The following PEX7 variants were observed in gnomAD, a reference collection of about 807,000 sequenced individuals.
PEX7 encodes peroxisomal biogenesis factor 7, also known as PTS2 receptor.
A neutral mutation model predicts 47.5 loss-of-function variants in PEX7; 34 were observed. The ratio of observed to expected loss-of-function variants is 0.72; its 90% CI spans 0.54 to 0.95. The LOEUF (loss-of-function observed/expected upper bound fraction) is 0.95. Among genes scored for constraint, PEX7 ranks in the 40% least tolerant of loss-of-function variants. The probability of loss-of-function intolerance (pLI) is 0.00; values close to 1 mark genes in which losing one functional copy is unlikely to be tolerated. For missense variants in PEX7, 394 were observed against 400.3 expected (o/e 0.98, Z 0.13); for synonymous variants, 141 against 148.8 (o/e 0.95, Z 0.38).
intron 8 of PEX7, among the ~76,000 whole-genome samples, chr6:136,893,322 T>TCACA (rs1017606767): frequency 3.2e-4 from 49 of 152,228 alleles, no homozygotes; most frequent in African/African-American, 1.2e-3. Context: ...GGCCCTCTGG[T>TCACA]CACACACTGT....
intron 3 of PEX7, among the ~76,000 whole-genome samples, chr6:136,832,014 G>A (rs1208500702): frequency 2.0e-5 from 3 of 152,250 alleles, no homozygotes; most frequent in East Asian, 3.8e-4. Flanking sequence ...GCCCCAGTGG[G>A]GACTGTGTGG....
At chr6:136,883,825 C>G (rs530466032) in intron 8 of PEX7, among the ~76,000 whole-genome samples, 61 of 152,234 alleles carry the variant, frequency 4.0e-4, no homozygotes, top group African/African-American at 1.4e-3. Flanking sequence ...TTCAAACAAG[C>G]CAAAAACCTG....
At chr6:136,893,202 C>CTTTTTTTTTTTTTTTTTTTTTTTTT (rs1487406339) in intron 8 of PEX7, among the ~76,000 whole-genome samples, 1 of 150,454 alleles carries the variant, frequency 6.6e-6, no homozygotes, top group Non-Finnish European at 1.5e-5. Context: ...CTTTTTTTTT[C>CTTTTTTTTTTTTTTTTTTTTTTTTT]TTTTTTTAAA....
intron 6 of PEX7, among the ~76,000 whole-genome samples, chr6:136,868,714 C>G (rs1775118124): frequency 7.0e-6 from 1 of 143,406 alleles, no homozygotes; most frequent in Admixed American, 6.9e-5. Flanking sequence ...TTTGCCATTA[C>G]TTTCAATGGC....
intron 8 of PEX7, among the ~76,000 whole-genome samples, chr6:136,893,202 C>CTTTTTTTTTTTTTTTTTTTTTTTTTTTT (rs1487406339): frequency 2.0e-5 from 3 of 150,448 alleles, no homozygotes; most frequent in Non-Finnish European, 3.0e-5. Context: ...CTTTTTTTTT[C>CTTTTTTTTTTTTTTTTTTTTTTTTTTTT]TTTTTTTAAA....
intron 9 of PEX7, among the ~76,000 whole-genome samples, chr6:136,908,326 A>T (rs1391364364): frequency 6.6e-6 from 1 of 152,156 alleles, no homozygotes; most frequent in Non-Finnish European, 1.5e-5. Flanking sequence ...ATGGCATCTT[A>T]CCCTATTAGT....
At chr6:136,902,738 T>C (rs1446532119) in intron 9 of PEX7, among the ~76,000 whole-genome samples, 1 of 152,238 alleles carries the variant, frequency 6.6e-6, no homozygotes, top group African/African-American at 2.4e-5. Context: ...TATATTAGTT[T>C]AGAATTCCTG....
intron 9 of PEX7, among the ~76,000 whole-genome samples, chr6:136,903,597 G>A (rs1003696336): frequency 6.6e-6 from 1 of 151,436 alleles, no homozygotes; most frequent in African/African-American, 2.4e-5. Flanking sequence ...TTTTTGTTTT[G>A]TTTCAGTAAA....
intron 9 of PEX7, among the ~76,000 whole-genome samples, chr6:136,909,861 A>G (rs1016245385): frequency 6.6e-6 from 1 of 152,192 alleles, no homozygotes; most frequent in Admixed American, 6.5e-5. Context: ...AAGGTTTCAG[A>G]AACATAATTT....
At chr6:136,823,089 C>T (rs563525586) in intron 1 of PEX7, 35 of 985,422 alleles carry the variant, frequency 3.6e-5, no homozygotes, top group African/African-American at 3.0e-4. Context: ...TGTCACACGC[C>T]CAGGCACACG....
chr6:136,854,396 A>G (rs1774821664), intron 5 of PEX7, among the ~76,000 whole-genome samples: 1 of 152,170 alleles, frequency 6.6e-6, no homozygotes, highest in African/African-American at 2.4e-5. Context: ...CATGTTGGCT[A>G]GGCTGGTCTC....
chr6:136,883,229 T>C (rs1775406995), intron 8 of PEX7, among the ~76,000 whole-genome samples: 1 of 152,218 alleles, frequency 6.6e-6, no homozygotes, highest in Admixed American at 6.5e-5. Flanking sequence ...TTAAATTTAA[T>C]TATTTTAAGT....
rs546531619 is a variant in PEX7, at chr6:136,837,489, T to TA, written c.340-8119dup. Among the ~76,000 whole-genome samples, 77 of 152,268 alleles carry TA rather than the reference T, an allele frequency of 5.1e-4. 3 individuals are homozygous for TA. The South Asian group carries it at 0.015, about 30-fold the overall frequency. On this transcript the variant is annotated intron_variant, in intron 3 of 9. Transcript: ENST00000318471. ...AACTTGTGATTTATTTTTCTCTGTCTAAAAAAAGTACATATTTCTTTGTTT... is the reference window on the plus strand; with the variant it reads ...AACTTGTGATTTATTTTTCTCTGTCTAAAAAAAAGTACATATTTCTTTGTTT...
At chr6:136,897,601 A>G (rs189796839) in intron 8 of PEX7, among the ~76,000 whole-genome samples, 4 of 152,352 alleles carry the variant, frequency 2.6e-5, no homozygotes, top group Admixed American at 2.6e-4. Context: ...AAGAAGAAAG[A>G]TAGTTTCAGA....
intron 5 of PEX7, among the ~76,000 whole-genome samples, chr6:136,848,993 G>T (rs1345908989): frequency 6.6e-6 from 1 of 152,062 alleles, no homozygotes. Flanking sequence ...GAGTTTTCTT[G>T]GTTGGTAGGC....
intron 9 of PEX7, among the ~76,000 whole-genome samples, chr6:136,907,331 A>G (rs1243606221): frequency 2.6e-5 from 4 of 152,214 alleles, no homozygotes; most frequent in African/African-American, 7.2e-5. Flanking sequence ...CATAAATTCC[A>G]TAATGATTAT....
At chr6:136,871,400 C>T (rs967398187) in intron 7 of PEX7, among the ~76,000 whole-genome samples, 3 of 152,038 alleles carry the variant, frequency 2.0e-5, no homozygotes, top group Admixed American at 1.3e-4. Context: ...GTAAAAATAA[C>T]TTAAGGGTGT....
At position 136,872,262 on chromosome 6, in the gene PEX7, G is replaced by A. The variant is rs1490951118; in HGVS notation, c.803+9G>A. ...TATGATTTTACTGTAAGGTACAGTG[G>A]TTTTTAATACATTTCATTGTGAAAT... On this transcript the variant is annotated intron_variant, in intron 8 of 9. Transcript: ENST00000318471. The A allele has an allele frequency of 6.2e-7, 1 of 1,604,844 alleles. No individual in the cohort carries two copies. The highest frequency in any genetic ancestry group is 8.5e-7 in the Non-Finnish European group (1 of 1,174,146).
intron 3 of PEX7, among the ~76,000 whole-genome samples, chr6:136,832,953 T>G (rs2115144325): frequency 6.6e-6 from 1 of 152,378 alleles, no homozygotes; most frequent in Middle Eastern, 3.4e-3. Flanking sequence ...CACATCTTCC[T>G]GTCTTCTTCT....
Sources: gnomAD v4.1 joint callset for allele counts (sites outside exome capture counted in the v4.1 genomes callset) on GRCh38, gnomAD v4.1.1 for gene constraint, MANE v1.5 for transcripts, NCBI Gene and HGNC (gene_info 2026-07-23, HGNC 2026-07-21) for gene names.